The following GALNT13 variants were observed in gnomAD, a reference collection of about 807,000 sequenced individuals.
GALNT13 encodes polypeptide N-acetylgalactosaminyltransferase 13, also known as UDP-GalNAc:polypeptide N-acetylgalactosaminyltransferase 13.
In GALNT13, 28 loss-of-function variants were observed where a neutral mutation model predicts 64.2. The ratio of observed to expected loss-of-function variants is 0.44; its 90% confidence interval spans 0.32 to 0.60. The LOEUF (loss-of-function observed/expected upper bound fraction) is 0.60. GALNT13 is among the 20% of genes least tolerant of loss of function. The probability of loss-of-function intolerance (pLI) is 0.05; values close to 1 mark genes in which losing one functional copy is unlikely to be tolerated. For synonymous variants in GALNT13, 214 were observed against 224.6 expected, an observed-to-expected ratio of 0.95 and a Z score of 0.42; for missense variants, 577 against 669.8, an observed-to-expected ratio of 0.86 and a Z score of 1.53.
At chr2:153,442,954 T>A in the GALNT13 span, among the ~76,000 whole-genome samples, 1 of 152,186 alleles carries the variant, frequency 6.6e-6, no homozygotes, top group African/African-American at 2.4e-5. Flanking sequence ...AGCAAGAATT[T>A]CAAGCCAGTG....
At chr2:153,585,227 C>CA in the GALNT13 span, among the ~76,000 whole-genome samples, 2 of 151,916 alleles carry the variant, frequency 1.3e-5, no homozygotes, top group Non-Finnish European at 2.9e-5. Context: ...TAGATATTTA[C>CA]AAAAAACAAA....
chr2:153,567,588 C>T, the GALNT13 span, among the ~76,000 whole-genome samples: 3 of 152,128 alleles, frequency 2.0e-5, no homozygotes, highest in African/African-American at 7.2e-5. Context: ...AATCAACAGA[C>T]CAAAGTCCGT....
chr2:153,941,536 C>T (rs1691341642), intron 2 of GALNT13, among the ~76,000 whole-genome samples: 1 of 152,060 alleles, frequency 6.6e-6, no homozygotes, highest in African/African-American at 2.4e-5. Flanking sequence ...ACAGTATTTG[C>T]AAATAAGTAG....
chr2:153,881,031 T>A (rs976361320), intron 1 of GALNT13, among the ~76,000 whole-genome samples: 8 of 152,196 alleles, frequency 5.3e-5, no homozygotes, highest in Non-Finnish European at 8.8e-5. Flanking sequence ...AGTTTCTGAA[T>A]AGGTAAGAGA....
the GALNT13 span, among the ~76,000 whole-genome samples, chr2:153,403,049 C>G: frequency 6.6e-6 from 1 of 150,578 alleles, no homozygotes; most frequent in Non-Finnish European, 1.5e-5. Context: ...TTTTCCCCAT[C>G]TTTGTGGTTT....
the GALNT13 span, among the ~76,000 whole-genome samples, chr2:153,102,432 G>A: frequency 6.6e-6 from 1 of 151,516 alleles, no homozygotes; most frequent in African/African-American, 2.4e-5. Context: ...TATTCACTGG[G>A]GAAAGAACAT....
At chr2:153,587,292 A>T in the GALNT13 span, among the ~76,000 whole-genome samples, 1 of 152,058 alleles carries the variant, frequency 6.6e-6, no homozygotes, top group Non-Finnish European at 1.5e-5. Flanking sequence ...TGGGGACAAA[A>T]CATACCAAAA....
At chr2:153,739,385 G>C in the GALNT13 span, among the ~76,000 whole-genome samples, 1 of 151,098 alleles carries the variant, frequency 6.6e-6, no homozygotes, top group Non-Finnish European at 1.5e-5. Context: ...CGTAAAAAAT[G>C]GAATTATATA....
the GALNT13 span, among the ~76,000 whole-genome samples, chr2:153,695,946 G>A: frequency 3.3e-5 from 5 of 152,104 alleles, no homozygotes; most frequent in African/African-American, 1.2e-4. Context: ...ACCACAGATA[G>A]TATTGAATCC....
At chr2:153,317,053 T>C in the GALNT13 span, among the ~76,000 whole-genome samples, 1 of 152,206 alleles carries the variant, frequency 6.6e-6, no homozygotes, top group Non-Finnish European at 1.5e-5. Context: ...TTTTTTTGCC[T>C]ACCTACATAT....
At chr2:153,140,120 G>A in the GALNT13 span, among the ~76,000 whole-genome samples, 3 of 152,058 alleles carry the variant, frequency 2.0e-5, no homozygotes, top group African/African-American at 7.2e-5. Context: ...TGTTACGCCA[G>A]ATTTGAAGTA....
intron 3 of GALNT13, among the ~76,000 whole-genome samples, chr2:154,089,264 A>G (rs1338468118): frequency 6.6e-6 from 1 of 151,882 alleles, no homozygotes; most frequent in Admixed American, 6.6e-5. Context: ...ACAGTGGTCT[A>G]CTTCTCTCAG....
At chr2:154,277,245 C>G (rs1414013590) in intron 8 of GALNT13, among the ~76,000 whole-genome samples, 3 of 152,010 alleles carry the variant, frequency 2.0e-5, no homozygotes, top group Non-Finnish European at 4.4e-5. Context: ...TTTTATATAC[C>G]TATATCTGAT....
intron 9 of GALNT13, among the ~76,000 whole-genome samples, chr2:154,353,115 G>T (rs1234833868): frequency 2.0e-5 from 3 of 152,082 alleles, no homozygotes; most frequent in African/African-American, 4.8e-5. Flanking sequence ...TGCAGCTTTT[G>T]TCAAGTGATT....
the GALNT13 span, among the ~76,000 whole-genome samples, chr2:153,675,762 A>G: frequency 7.2e-5 from 11 of 152,156 alleles, 1 homozygote; most frequent in South Asian, 1.7e-3. Flanking sequence ...CTTCTGGATG[A>G]CTGTTGGGTA....
chr2:154,104,677 A>G (rs1193334349), intron 3 of GALNT13, among the ~76,000 whole-genome samples: 2 of 152,218 alleles, frequency 1.3e-5, no homozygotes, highest in African/African-American at 2.4e-5. Context: ...TAGGAATGGC[A>G]CATGCCATAC....
intron 4 of GALNT13, among the ~76,000 whole-genome samples, chr2:154,189,826 G>C (rs911111757): frequency 1.3e-5 from 2 of 152,070 alleles, no homozygotes; most frequent in African/African-American, 4.8e-5. Flanking sequence ...AAGTAAAGCT[G>C]TTTGATCTAC....
the GALNT13 span, among the ~76,000 whole-genome samples, chr2:153,667,821 CAA>C: frequency 1.3e-5 from 2 of 152,076 alleles, no homozygotes; most frequent in African/African-American, 4.8e-5. Context: ...CTTTAAAAGA[CAA>C]AGAGTAACAA....
At chr2:153,772,045 C>A in the GALNT13 span, among the ~76,000 whole-genome samples, 1 of 152,146 alleles carries the variant, frequency 6.6e-6, no homozygotes, top group Non-Finnish European at 1.5e-5. Context: ...TTGGCTTGAG[C>A]AACTCTTCTT....
Sources: allele counts gnomAD v4.1 joint callset (sites outside exome capture counted in the v4.1 genomes callset), GRCh38; gene constraint gnomAD v4.1.1; transcripts MANE v1.5; gene names NCBI Gene and HGNC (gene_info 2026-07-23, HGNC 2026-07-21).